The following TRAPPC9 variants were observed in gnomAD, a reference collection of about 807,000 sequenced individuals.
The protein encoded by TRAPPC9 is IKK2 binding protein.
Under a neutral mutation model 124.0 loss-of-function variants are expected in TRAPPC9, and 83 were observed. That is an observed-to-expected ratio of 0.67 (90% CI 0.56 to 0.80). The LOEUF is 0.80. Among genes scored for constraint, TRAPPC9 ranks in the 30% least tolerant of loss-of-function variants. The probability of loss-of-function intolerance (pLI) is 0.00; values close to 1 mark genes in which losing one functional copy is unlikely to be tolerated. For synonymous variants in TRAPPC9, 638 were observed against 617.5 expected (o/e 1.03, Z -0.49); for missense variants, 1,302 against 1,508.3 (o/e 0.86, Z 2.27).
At chr8:140,290,277 C>T (rs964570460) in intron 12 of TRAPPC9, among the ~76,000 whole-genome samples, 2 of 152,196 alleles carry the variant, frequency 1.3e-5, no homozygotes, top group Non-Finnish European at 2.9e-5. Flanking sequence ...AAGACAACAT[C>T]CATTCTCGCA....
At chr8:139,926,266 A>T (rs1433057003) in intron 19 of TRAPPC9, among the ~76,000 whole-genome samples, 2 of 152,234 alleles carry the variant, frequency 1.3e-5, no homozygotes, top group East Asian at 3.8e-4. Flanking sequence ...GTCTGAACCT[A>T]ACTGGACTGA....
chr8:140,284,779 G>C (rs964484784), intron 13 of TRAPPC9, among the ~76,000 whole-genome samples: 4 of 152,152 alleles, frequency 2.6e-5, no homozygotes, highest in African/African-American at 9.7e-5. Context: ...GGGCAAATCA[G>C]GGACCTTACA....
chr8:140,391,695 A>G (rs2068928292), intron 7 of TRAPPC9, among the ~76,000 whole-genome samples: 2 of 147,826 alleles, frequency 1.4e-5, no homozygotes, highest in South Asian at 4.3e-4. Flanking sequence ...CTGGGCAACA[A>G]CAGCGAAACT....
intron 15 of TRAPPC9, among the ~76,000 whole-genome samples, chr8:140,271,529 G>C (rs1238528918): frequency 6.6e-6 from 1 of 152,108 alleles, no homozygotes; most frequent in Non-Finnish European, 1.5e-5. Flanking sequence ...GATGGGGAAG[G>C]GGAGGGAGAA....
chr8:140,212,582 C>T (rs763314995), intron 17 of TRAPPC9, among the ~76,000 whole-genome samples: 7 of 152,120 alleles, frequency 4.6e-5, no homozygotes, highest in Non-Finnish European at 8.8e-5. Flanking sequence ...CCCATGATCT[C>T]TTTGCCTGGT....
At position 139,825,142 on chromosome 8, in the gene TRAPPC9, G is replaced by T. The variant is rs1825535020; in HGVS notation, c.3055+60737C>A. On this transcript the variant is annotated intron_variant, in intron 21 of 22. Coordinates refer to ENST00000438773, the MANE Select transcript of TRAPPC9 (RefSeq NM_001160372.4). The surrounding 1 kb of genome is among the most constrained non-coding windows in gnomAD (Gnocchi z 4.6). Reference sequence around the variant, plus strand: ...GTGGGACGTGGGCTGCGGGACTACAGGATTACAGAGGGGTCTGAGAAGGTC... The same window carrying T: ...GTGGGACGTGGGCTGCGGGACTACATGATTACAGAGGGGTCTGAGAAGGTC... Among the ~76,000 whole-genome samples the T allele has an allele frequency of 6.6e-6, 1 of 152,160 alleles. No individual in the cohort carries two copies. Among genetic ancestry groups the T allele is most frequent in the Non-Finnish European group, 1.5e-5 (1 of 68,028 alleles).
chr8:140,144,041 G>C (rs2061420438), intron 17 of TRAPPC9, among the ~76,000 whole-genome samples: 1 of 152,102 alleles, frequency 6.6e-6, no homozygotes, highest in Non-Finnish European at 1.5e-5. Flanking sequence ...TCTTTCATTT[G>C]TCTATTTGTC....
intron 16 of TRAPPC9, among the ~76,000 whole-genome samples, chr8:140,251,779 C>T (rs1359791930): frequency 6.6e-6 from 1 of 152,200 alleles, no homozygotes; most frequent in Non-Finnish European, 1.5e-5. Flanking sequence ...TCCCTCTCTC[C>T]TCCACGTGGA....
chr8:140,053,852 T>C (rs565700024), intron 17 of TRAPPC9, among the ~76,000 whole-genome samples: 1 of 152,352 alleles, frequency 6.6e-6, no homozygotes, highest in Admixed American at 6.5e-5. Context: ...TTATTTTGTC[T>C]ATCAAAGACA....
chr8:140,426,477 A>T, intron 5 of TRAPPC9, 138 bp downstream of exon 5: 1 of 924,828 alleles, frequency 1.1e-6, no homozygotes, highest in Middle Eastern at 2.6e-4. Flanking sequence ...TCAAGCTTTT[A>T]ACAGTTCTGA....
intron 21 of TRAPPC9, among the ~76,000 whole-genome samples, chr8:139,841,157 G>A (rs528252630): frequency 3.6e-4 from 55 of 152,106 alleles, no homozygotes; most frequent in Non-Finnish European, 6.2e-4. Context: ...ACATCCCCTC[G>A]CCCCCGGCTC....
At chr8:139,813,310 G>A (rs933515690) in intron 21 of TRAPPC9, among the ~76,000 whole-genome samples, 1 of 152,196 alleles carries the variant, frequency 6.6e-6, no homozygotes, top group Non-Finnish European at 1.5e-5. Flanking sequence ...GCTGGTGTGG[G>A]GACAGTGCAA....
intron 17 of TRAPPC9, among the ~76,000 whole-genome samples, chr8:140,172,948 G>A (rs1170399333): frequency 6.6e-6 from 1 of 152,108 alleles, no homozygotes; most frequent in East Asian, 1.9e-4. Flanking sequence ...TGAAATGGAG[G>A]GAAGATACTG....
At chr8:140,202,899 T>A (rs2062827050) in intron 17 of TRAPPC9, among the ~76,000 whole-genome samples, 1 of 152,170 alleles carries the variant, frequency 6.6e-6, no homozygotes, top group African/African-American at 2.4e-5. Context: ...TTAAGGGAAA[T>A]CAGGGGATGG....
At chr8:139,932,562 A>C (rs759583771) in intron 19 of TRAPPC9, 3 of 454,752 alleles carry the variant, frequency 6.6e-6, no homozygotes, top group South Asian at 4.7e-5. Flanking sequence ...CAGGAGTTCG[A>C]GACCAGCCTG....
intron 11 of TRAPPC9, among the ~76,000 whole-genome samples, chr8:140,295,423 C>T (rs926570685): frequency 6.6e-6 from 1 of 152,214 alleles, no homozygotes; most frequent in African/African-American, 2.4e-5. Flanking sequence ...CAGGGTGCAG[C>T]CCAAGTCCAC....
intron 21 of TRAPPC9, among the ~76,000 whole-genome samples, chr8:139,812,341 C>T (rs1268978228): frequency 6.6e-6 from 1 of 152,146 alleles, no homozygotes. Flanking sequence ...GGGATTTAAC[C>T]AAGAACTGTG....
At chr8:140,327,236 G>C (rs2066763550) in intron 9 of TRAPPC9, among the ~76,000 whole-genome samples, 1 of 151,992 alleles carries the variant, frequency 6.6e-6, no homozygotes, top group Non-Finnish European at 1.5e-5. Context: ...CTGGGCGACA[G>C]GACATCTAAA....
chr8:140,362,548 A>T (rs1014641816), intron 8 of TRAPPC9, among the ~76,000 whole-genome samples: 2 of 151,928 alleles, frequency 1.3e-5, no homozygotes, highest in East Asian at 1.9e-4. Flanking sequence ...AAATAAAAAT[A>T]AAAAAAACAC....
Sources: gnomAD v4.1 joint callset for allele counts (sites outside exome capture counted in the v4.1 genomes callset) on GRCh38, gnomAD v4.1.1 for gene constraint, Gnocchi (gnomAD v3.1) non-coding constraint, MANE v1.5 for transcripts, NCBI Gene and HGNC (gene_info 2026-07-23, HGNC 2026-07-21) for gene names.